The following GABRA3 variants were observed in gnomAD, a reference collection of about 807,000 sequenced individuals.
The protein encoded by GABRA3 is gamma-aminobutyric acid type A receptor subunit alpha3.
In GABRA3, 10 loss-of-function variants were observed where a neutral mutation model predicts 30.1. That is an observed-to-expected ratio of 0.33 (90% CI 0.20 to 0.56). The LOEUF (loss-of-function observed/expected upper bound fraction) is 0.56. Ranked by LOEUF, GABRA3 falls within the 20% of genes least tolerant of loss-of-function variation. The pLI is 0.89. For missense variants in GABRA3, 233 were observed against 392.0 expected (o/e 0.59, Z 3.42); for synonymous variants, 151 against 146.8 (o/e 1.03, Z -0.21).
At chrX:152,446,555 T>C (rs1422692738) in intron 1 of GABRA3, among the ~76,000 whole-genome samples, 2 of 97,624 alleles carry the variant, frequency 2.0e-5, no homozygotes, top group African/African-American at 7.4e-5. Context: ...TCCCATATCC[T>C]AAAAAAAAAA....
chrX:152,428,983 A>T lies in GABRA3; in HGVS notation c.-27+22163T>A, dbSNP rs1211359989. ...TGTGGAAAGCAAAGAAAGAAAATGG[A>T]GTGACTGATTATGGGATCCCAGCAC... On this transcript the variant is annotated intron_variant, in intron 1 of 9. Transcript: ENST00000370314. 3.6e-5 allele frequency among the ~76,000 whole-genome samples: 4 copies of T among 111,393 alleles called. No individual in the cohort carries two copies. The East Asian group carries it at 1.1e-3, about 32-fold the overall frequency.
At chrX:152,288,305 C>T (rs1939334403) in intron 3 of GABRA3, among the ~76,000 whole-genome samples, 1 of 111,757 alleles carries the variant, frequency 8.9e-6, no homozygotes. Flanking sequence ...GGAGAAGAAC[C>T]CTGATGAATA....
chrX:152,434,488 T>C (rs1443737209), intron 1 of GABRA3, among the ~76,000 whole-genome samples: 1 of 111,377 alleles, frequency 9.0e-6, no homozygotes, highest in African/African-American at 3.3e-5. Flanking sequence ...GAAAGAATAC[T>C]AATTCTACAC....
intron 5 of GABRA3, among the ~76,000 whole-genome samples, chrX:152,242,086 GAC>G (rs941220787): frequency 1.7e-4 from 19 of 111,649 alleles, no homozygotes; most frequent in African/African-American, 6.2e-4. Context: ...CAAACACATA[GAC>G]CAATGGAACA....
chrX:152,339,430 G>T (rs1940282455), intron 3 of GABRA3, among the ~76,000 whole-genome samples: 1 of 110,713 alleles, frequency 9.0e-6, no homozygotes, highest in South Asian at 3.8e-4. Flanking sequence ...TGTTGGCCAG[G>T]CTGGTCTCAA....
intron 3 of GABRA3, among the ~76,000 whole-genome samples, chrX:152,344,333 T>C (rs1411156637): frequency 1.8e-5 from 2 of 112,044 alleles, no homozygotes; most frequent in African/African-American, 3.2e-5. Flanking sequence ...ATGATATTAA[T>C]GGACTGTAAT....
chrX:152,430,455 T>C (rs1174856922), intron 1 of GABRA3, among the ~76,000 whole-genome samples: 3 of 111,592 alleles, frequency 2.7e-5, no homozygotes, highest in Non-Finnish European at 5.6e-5. Flanking sequence ...AAAAATGCTA[T>C]GACCAGCCCA....
intron 3 of GABRA3, among the ~76,000 whole-genome samples, chrX:152,303,342 G>A (rs1395848011): frequency 8.9e-6 from 1 of 111,984 alleles, no homozygotes; most frequent in Non-Finnish European, 1.9e-5. Flanking sequence ...TGGAGGAATA[G>A]GAACGCTTTT....
chrX:152,286,611 C>T (rs1300238539), intron 3 of GABRA3, among the ~76,000 whole-genome samples: 1 of 111,374 alleles, frequency 9.0e-6, no homozygotes, highest in African/African-American at 3.3e-5. Flanking sequence ...CTCATCCAGA[C>T]CTGAGTTTTG....
Position 152,175,713 on chromosome X carries a change from T to C in GABRA3, c.1144-7150A>G, listed in dbSNP as rs553583742. 1.2e-4 allele frequency among the ~76,000 whole-genome samples: 13 copies of C among 110,852 alleles called. No homozygotes were observed. The South Asian group carries it at 5.0e-3, about 42-fold the overall frequency. On this transcript the variant is annotated intron_variant, in intron 9 of 9. Coordinates refer to ENST00000370314, the MANE Select transcript of GABRA3 (RefSeq NM_000808.4). ...AAAGATCTCAACAATAAACATTCCATAGAGAAAGAATGGTAATGACAAAGT... is the reference window on the plus strand; with the variant it reads ...AAAGATCTCAACAATAAACATTCCACAGAGAAAGAATGGTAATGACAAAGT...
At chrX:152,211,479 T>C (rs749563009) in intron 6 of GABRA3, among the ~76,000 whole-genome samples, 1 of 111,366 alleles carries the variant, frequency 9.0e-6, no homozygotes, top group South Asian at 3.8e-4. Flanking sequence ...AAAAATACCC[T>C]CTTCTCATAA....
intron 8 of GABRA3, among the ~76,000 whole-genome samples, chrX:152,195,620 C>A (rs970654794): frequency 3.6e-5 from 4 of 111,535 alleles, no homozygotes; most frequent in Non-Finnish European, 3.8e-5. Context: ...GATCCCCTTC[C>A]TCTTTCTTCA....
At chrX:152,199,236 G>C (rs1038230370) in intron 7 of GABRA3, among the ~76,000 whole-genome samples, 21 of 105,573 alleles carry the variant, frequency 2.0e-4, no homozygotes, top group Admixed American at 1.3e-3. Flanking sequence ...TGTGGTGGCG[G>C]GCACCTGTAG....
chrX:152,170,651 T>C (rs1216780694), intron 9 of GABRA3, among the ~76,000 whole-genome samples: 1 of 111,835 alleles, frequency 8.9e-6, no homozygotes, highest in African/African-American at 3.3e-5. Flanking sequence ...AGAAGTTTAC[T>C]GTAGCTGGGC....
At chrX:152,391,814 G>C (rs1204522625) in intron 1 of GABRA3, among the ~76,000 whole-genome samples, 1 of 111,524 alleles carries the variant, frequency 9.0e-6, no homozygotes, top group Non-Finnish European at 1.9e-5. Flanking sequence ...TTTAGCATGT[G>C]ACTAAGGTAC....
chrX:152,264,107 G>T (rs745744969), intron 4 of GABRA3, among the ~76,000 whole-genome samples: 1 of 111,513 alleles, frequency 9.0e-6, no homozygotes, highest in Non-Finnish European at 1.9e-5. Flanking sequence ...AGAAAGAAAA[G>T]AACATTAATG....
chrX:152,353,620 AAAG>A (rs771181805), intron 2 of GABRA3, among the ~76,000 whole-genome samples: 2 of 111,791 alleles, frequency 1.8e-5, no homozygotes, highest in African/African-American at 6.5e-5. Flanking sequence ...TTTTGACACA[AAAG>A]AAAAGAAAAC....
chrX:152,235,545 T>C (rs1222759242), intron 5 of GABRA3, among the ~76,000 whole-genome samples: 1 of 98,208 alleles, frequency 1.0e-5, no homozygotes, highest in Non-Finnish European at 2.0e-5. Context: ...AGTTGCAGGA[T>C]ACAGAATCAA....
intron 1 of GABRA3, among the ~76,000 whole-genome samples, chrX:152,434,101 T>C (rs983254893): frequency 2.0e-4 from 22 of 111,591 alleles, no homozygotes; most frequent in Non-Finnish European, 2.6e-4. Context: ...CTTGATTGTA[T>C]TGAAGGATGC....
Sources: allele counts gnomAD v4.1 joint callset (sites outside exome capture counted in the v4.1 genomes callset), GRCh38; gene constraint gnomAD v4.1.1; transcripts MANE v1.5; gene names NCBI Gene and HGNC (gene_info 2026-07-23, HGNC 2026-07-21).